Variants in RNF157 observed in about 807,000 individuals in gnomAD.
RNF157 encodes E3 ubiquitin ligase RNF157.
RNF157 carries 55 observed loss-of-function variants against 88.3 expected under a neutral mutation model. That is an observed-to-expected ratio of 0.62 (90% CI 0.50 to 0.78). The LOEUF is 0.78. Among genes scored for constraint, RNF157 ranks in the 30% least tolerant of loss-of-function variants. RNF157 has a pLI of 0.00. For missense variants in RNF157, 788 were observed against 860.8 expected, an observed-to-expected ratio of 0.92 and a Z score of 1.06; for synonymous variants, 334 against 341.2, an observed-to-expected ratio of 0.98 and a Z score of 0.23.
intron 17 of RNF157, among the ~76,000 whole-genome samples, chr17:76,152,936 G>C (rs1358696393): frequency 6.6e-6 from 1 of 152,198 alleles, no homozygotes; most frequent in Admixed American, 6.5e-5. Flanking sequence ...AAAGGTCTTA[G>C]GGTCCATAAT....
At chr17:76,154,186 G>T in intron 17 of RNF157, 97 bp downstream of exon 17, 1 of 867,140 alleles carries the variant, frequency 1.2e-6, no homozygotes, top group Non-Finnish European at 2.0e-6. Context: ...ACTGAGCAGC[G>T]CCACCACGTC....
Position 76,143,642 on chromosome 17 carries a change from G to C in RNF157, c.*1593C>G, listed in dbSNP as rs2068545105. On this transcript the variant is annotated 3_prime_UTR_variant, in exon 19 of 19. Coordinates refer to ENST00000269391, the MANE Select transcript of RNF157 (RefSeq NM_052916.3). ...CCCCCTCTCCATCAGGGCAGGATGT[G>C]AGCCACAACCACTAGGCAGTGAGAC... The C allele has an allele frequency of 6.6e-6, 1 of 152,176 alleles. No homozygotes were observed. Among genetic ancestry groups the C allele is most frequent in the Admixed American group, 6.5e-5 (1 of 15,278 alleles). The allele number at this position is 152,176 out of a possible 1,614,324, so 9.4% of individuals were successfully genotyped here.
At chr17:76,163,060 T>C (rs3816427) in intron 8 of RNF157, 29,651 of 155,948 alleles carry the variant, frequency 0.19, 2,871 homozygotes, top group Middle Eastern at 0.25. Context: ...AGGAAAAAGA[T>C]GGGAAGGGAA....
At chr17:76,222,674 CA>C (rs1170354547) in intron 1 of RNF157, among the ~76,000 whole-genome samples, 1 of 152,112 alleles carries the variant, frequency 6.6e-6, no homozygotes, top group Non-Finnish European at 1.5e-5. Flanking sequence ...GTGACTCACA[CA>C]ACGTCCCACA....
chr17:76,190,166 C>CTTTTTTTTTTTTTTT (rs1568050564), intron 2 of RNF157, among the ~76,000 whole-genome samples: 1 of 114,030 alleles, frequency 8.8e-6, no homozygotes, highest in Non-Finnish European at 2.2e-5. Flanking sequence ...ACTGCTTGCT[C>CTTTTTTTTTTTTTTT]TCTCTTTTTT....
At chr17:76,239,941 G>C (rs986355641) in intron 1 of RNF157, among the ~76,000 whole-genome samples, 1 of 152,146 alleles carries the variant, frequency 6.6e-6, no homozygotes, top group Non-Finnish European at 1.5e-5. Context: ...CGGTGACCCT[G>C]CTAGACCCGG....
intron 3 of RNF157, among the ~76,000 whole-genome samples, chr17:76,171,082 C>T (rs1037842139): frequency 3.3e-5 from 5 of 151,966 alleles, no homozygotes; most frequent in East Asian, 1.9e-4. Context: ...TTAGTGGAGA[C>T]GGGGTTTCAC....
intron 18 of RNF157, among the ~76,000 whole-genome samples, chr17:76,149,233 AAGGTTCGCAGTCCTTGCCACCAGCC>A (rs770860934): frequency 4.6e-5 from 7 of 151,914 alleles, no homozygotes; most frequent in Non-Finnish European, 8.8e-5. Flanking sequence ...GGGAACCAAC[AAGGTTCGCAGTCCTTGCCACCAGCC>A]AGGTCTCCTG....
At position 76,240,116 on chromosome 17, in the gene RNF157, C is replaced by CT. The variant is rs2070353996; in HGVS notation, c.88+36dup. 1 of 1,235,776 alleles carries CT rather than the reference C, an allele frequency of 8.1e-7. No homozygotes were observed. Among genetic ancestry groups the CT allele is most frequent in the East Asian group, 3.1e-5 (1 of 31,910 alleles). The allele number at this position is 1,235,776 out of a possible 1,614,324, so 76.6% of individuals were successfully genotyped here. ...GACCCAGACCCCTGCCCCTGCCCCT[C>CT]TCCCTCCTCGCGGCTGCGGCGCCCG... On this transcript the variant is annotated intron_variant, in intron 1 of 18. Transcript: ENST00000269391. This position sits in a 1 kb window ranked among gnomAD's most constrained non-coding sequence, Gnocchi z 4.4.
At chr17:76,205,586 G>A (rs865827256) in intron 2 of RNF157, among the ~76,000 whole-genome samples, 54 of 152,218 alleles carry the variant, frequency 3.5e-4, no homozygotes, top group Admixed American at 9.8e-4. Flanking sequence ...CTAGCTGAGC[G>A]TGGTGGTGTG....
Position 76,195,162 on chromosome 17 carries a change from TCA to T in RNF157, c.207+17200_207+17201del, listed in dbSNP as rs772093514. ...CCCAAATGGCAGAAACATATTCATG[TCA>T]CAGAACTCCAGACAGGCTTAGGAAA... is the stretch of plus-strand genomic sequence containing the variant. On this transcript the variant is annotated intron_variant, in intron 2 of 18. Coordinates refer to ENST00000269391, the MANE Select transcript of RNF157 (RefSeq NM_052916.3). The surrounding 1 kb of genome is among the most constrained non-coding windows in gnomAD (Gnocchi z 4.4). Among the ~76,000 whole-genome samples, 8 of 152,154 alleles carry T rather than the reference TCA, an allele frequency of 5.3e-5. No individual in the cohort carries two copies. Among genetic ancestry groups the T allele is most frequent in the Non-Finnish European group, 1.0e-4 (7 of 68,038 alleles).
intron 2 of RNF157, among the ~76,000 whole-genome samples, chr17:76,200,537 A>G (rs1193899878): frequency 2.6e-5 from 4 of 152,226 alleles, no homozygotes; most frequent in Non-Finnish European, 4.4e-5. Context: ...GGCAGAAAAC[A>G]GAATGGTGGA....
chr17:76,202,076 G>T (rs1475571269), intron 2 of RNF157, among the ~76,000 whole-genome samples: 1 of 150,540 alleles, frequency 6.6e-6, no homozygotes, highest in Non-Finnish European at 1.5e-5. Context: ...AAGGAAAGAA[G>T]ATAGCATGCA....
intron 2 of RNF157, among the ~76,000 whole-genome samples, chr17:76,199,338 C>T (rs1430620199): frequency 2.6e-5 from 4 of 152,112 alleles, no homozygotes; most frequent in Non-Finnish European, 1.5e-5. Flanking sequence ...CTCACTGTGG[C>T]CTCAACCTCA....
At chr17:76,211,319 C>T (rs957843751) in intron 2 of RNF157, among the ~76,000 whole-genome samples, 1 of 152,242 alleles carries the variant, frequency 6.6e-6, no homozygotes. Context: ...TCTTCAAAGG[C>T]CAGTTCAACT....
intron 1 of RNF157, among the ~76,000 whole-genome samples, chr17:76,217,902 A>C (rs2069916735): frequency 6.6e-6 from 1 of 152,274 alleles, no homozygotes; most frequent in African/African-American, 2.4e-5. Flanking sequence ...GATTATACGT[A>C]AACCGTAAGG....
chr17:76,202,344 G>A (rs538480465), intron 2 of RNF157, among the ~76,000 whole-genome samples: 1 of 152,244 alleles, frequency 6.6e-6, no homozygotes, highest in East Asian at 1.9e-4. Flanking sequence ...CTCTCACAGA[G>A]GCTGTTCCTT....
At chr17:76,147,541 A>G (rs1241501052) in intron 18 of RNF157, 1 of 155,286 alleles carries the variant, frequency 6.4e-6, no homozygotes, top group Non-Finnish European at 1.4e-5. Context: ...AGGGCAGAAC[A>G]TCGGTTACTT....
intron 18 of RNF157, 143 bp from the exon 19 acceptor site, chr17:76,145,496 AC>A (rs2068571207): frequency 3.3e-6 from 2 of 609,944 alleles, no homozygotes; most frequent in Non-Finnish European, 5.9e-6. Flanking sequence ...GAGCCACAGC[AC>A]TCGTGTGTGA....
Sources: gnomAD v4.1 joint callset for allele counts (sites outside exome capture counted in the v4.1 genomes callset) on GRCh38, gnomAD v4.1.1 for gene constraint, Gnocchi (gnomAD v3.1) non-coding constraint, MANE v1.5 for transcripts, NCBI Gene and HGNC (gene_info 2026-07-23, HGNC 2026-07-21) for gene names.